The following NANS variants were observed in gnomAD, a reference collection of about 807,000 sequenced individuals.
The protein encoded by NANS is N-acetylneuraminate synthase.
In NANS, 29 loss-of-function variants were observed where a neutral mutation model predicts 33.3. The observed-to-expected ratio is 0.87, with a 90% CI of 0.65 to 1.19. NANS has a LOEUF of 1.19. NANS is among the 50% of genes most tolerant of loss of function. The probability of loss-of-function intolerance (pLI) is 0.00; values close to 1 mark genes in which losing one functional copy is unlikely to be tolerated. For missense variants in NANS, 394 were observed against 461.1 expected (o/e 0.85, Z 1.33); for synonymous variants, 163 against 177.2 (o/e 0.92, Z 0.64).
At chr9:98,070,749 G>A (rs557870060) in intron 2 of NANS, among the ~76,000 whole-genome samples, 1 of 150,570 alleles carries the variant, frequency 6.6e-6, no homozygotes, top group Admixed American at 6.6e-5. Flanking sequence ...CAGCAAATAC[G>A]AATAAATAAA....
chr9:98,074,927 A>G (rs1829515570), intron 2 of NANS: 1 of 152,166 alleles, frequency 6.6e-6, no homozygotes, highest in African/African-American at 2.4e-5. Flanking sequence ...TTGAAAAAAT[A>G]TATTTAAAAC....
intron 1 of NANS, among the ~76,000 whole-genome samples, chr9:98,059,928 A>T (rs1305823408): frequency 1.3e-5 from 2 of 152,182 alleles, no homozygotes; most frequent in Non-Finnish European, 2.9e-5. Context: ...TCAGAGAAAG[A>T]GGCATAGGGC....
At chr9:98,057,052 T>C (rs1828848049) in intron 1 of NANS, 112 bp downstream of exon 1, 1 of 1,344,106 alleles carries the variant, frequency 7.4e-7, no homozygotes, top group Admixed American at 3.0e-5. Flanking sequence ...GTCCGGCCTC[T>C]TCCCGCCCGC....
intron 2 of NANS, among the ~76,000 whole-genome samples, chr9:98,069,905 G>T (rs933505065): frequency 6.6e-6 from 1 of 152,136 alleles, no homozygotes; most frequent in African/African-American, 2.4e-5. Flanking sequence ...ATGAATACTT[G>T]TAGAAATGGT....
intron 4 of NANS, among the ~76,000 whole-genome samples, chr9:98,078,781 G>A (rs1829710052): frequency 6.7e-6 from 1 of 148,976 alleles, no homozygotes; most frequent in African/African-American, 2.5e-5. Flanking sequence ...GTTGCAGTGA[G>A]CCGAGATTGC....
At chr9:98,081,886 A>G (rs1829879120) in intron 5 of NANS, 1 of 152,220 alleles carries the variant, frequency 6.6e-6, no homozygotes, top group Non-Finnish European at 1.5e-5. Context: ...AAAAAGAAAT[A>G]GTTTCTTTAT....
intron 5 of NANS, chr9:98,081,341 C>A: frequency 2.0e-6 from 1 of 509,356 alleles, no homozygotes; most frequent in Non-Finnish European, 3.5e-6. Flanking sequence ...GAGTCTTCCA[C>A]TAATTCTCTG....
At chr9:98,062,862 C>T (rs1490635810) in intron 2 of NANS, among the ~76,000 whole-genome samples, 1 of 147,988 alleles carries the variant, frequency 6.8e-6, no homozygotes, top group African/African-American at 2.5e-5. Context: ...TTTCTTACAG[C>T]TGCATGTGAA....
At chr9:98,068,452 T>G (rs558205786) in intron 2 of NANS, among the ~76,000 whole-genome samples, 5 of 152,114 alleles carry the variant, frequency 3.3e-5, no homozygotes, top group African/African-American at 1.2e-4. Context: ...TTAGCTTTTT[T>G]TTTTCCTTTA....
chr9:98,073,753 C>T (rs1467609625), intron 2 of NANS, among the ~76,000 whole-genome samples: 8 of 151,950 alleles, frequency 5.3e-5, no homozygotes, highest in Non-Finnish European at 1.0e-4. Context: ...TCTGTGGGCA[C>T]GTGTTGTCCA....
At chr9:98,066,946 C>G (rs1466275243) in intron 2 of NANS, among the ~76,000 whole-genome samples, 1 of 152,188 alleles carries the variant, frequency 6.6e-6, no homozygotes, top group Non-Finnish European at 1.5e-5. Flanking sequence ...CCACTGCGTC[C>G]AGCCTCAAAT....
At chr9:98,073,271 CTTTTTTTTTTTT>C (rs10606237) in intron 2 of NANS, among the ~76,000 whole-genome samples, 15 of 57,848 alleles carry the variant, frequency 2.6e-4, no homozygotes, top group East Asian at 6.9e-4. Context: ...TCACCATGGG[CTTTTTTTTTTTT>C]TTTTTTTTTT....
At chr9:98,065,176 C>T (rs1174988944) in intron 2 of NANS, among the ~76,000 whole-genome samples, 1 of 152,158 alleles carries the variant, frequency 6.6e-6, no homozygotes, top group Non-Finnish European at 1.5e-5. Flanking sequence ...GGCGTACTCA[C>T]AGCCCAGGAG....
At chr9:98,058,239 T>C (rs1437944332) in intron 1 of NANS, among the ~76,000 whole-genome samples, 1 of 152,122 alleles carries the variant, frequency 6.6e-6, no homozygotes, top group Non-Finnish European at 1.5e-5. Context: ...TCGGGACTGG[T>C]TTTATGGAAA....
chr9:98,059,029 AT>A lies in NANS; in HGVS notation c.133-1742del, dbSNP rs563986417. ...ACATTTCTGGACCCAAGAAGTTTTTATTTTTTTTTTTCAAGACGGAGTCTCG... is the reference window on the plus strand; with the variant it reads ...ACATTTCTGGACCCAAGAAGTTTTTATTTTTTTTTTCAAGACGGAGTCTCG... On this transcript the variant is annotated intron_variant, in intron 1 of 5. Transcript: ENST00000210444. Among the ~76,000 whole-genome samples, 753 of 148,240 alleles carry A rather than the reference AT, an allele frequency of 5.1e-3. 5 individuals are homozygous for A. Among genetic ancestry groups the A allele is most frequent in the Non-Finnish European group, 7.1e-3 (471 of 66,772 alleles).
chr9:98,062,210 T>TA (rs112548147), intron 2 of NANS, among the ~76,000 whole-genome samples: 11,348 of 133,612 alleles, frequency 0.085, 526 homozygotes, highest in Admixed American at 0.15. Context: ...TGTCTCTTAA[T>TA]AAAAAAAAAA....
Position 98,078,295 on chromosome 9 carries a change from G to A in NANS, c.551G>A (p.Cys184Tyr). The A allele has an allele frequency of 6.2e-7, 1 of 1,614,048 alleles. No homozygotes were observed. The change falls in exon 4 of 6, where the codon TGT becomes TAT. Residue 184 changes from cysteine (C) to tyrosine (Y), a missense_variant. Physicochemically the swap from Cys to Tyr is radical, Grantham distance 194. Coordinates refer to ENST00000210444, the MANE Select transcript of NANS (RefSeq NM_018946.4). ...PLNPNFCFLQ[C>Y]TSAYPLQPED... ...AACCCCAACTTCTGCTTCTTGCAGTGTACCAGCGCATACCCGCTCCAGCCT... is the reference window on the plus strand; with the variant it reads ...AACCCCAACTTCTGCTTCTTGCAGTATACCAGCGCATACCCGCTCCAGCCT...
At position 98,081,019 on chromosome 9, in the gene NANS, G is replaced by A. The variant is rs1438718768; in HGVS notation, c.807G>A (p.Val269=). ...LAELVRSVRL[V]ERALGSPTKQ... ...AGCTGGTGCGGTCAGTGCGTCTTGT[G>A]GAGCGTGCCCTGGGCTCCCCAACCA... Residue 269 remains valine (V), a synonymous_variant, in exon 5 of 6, where the codon GTG becomes GTA. Coordinates refer to ENST00000210444, the MANE Select transcript of NANS (RefSeq NM_018946.4). 6.2e-7 allele frequency: 1 copy of A among 1,614,070 alleles called. No individual in the cohort carries two copies. Among genetic ancestry groups the A allele is most frequent in the Non-Finnish European group, 8.5e-7 (1 of 1,180,042 alleles).
At position 98,056,897 on chromosome 9, in the gene NANS, AG is replaced by A. The variant is rs1459077847; in HGVS notation, c.92del (p.Gly31AlafsTer5). On this transcript the variant is annotated frameshift_variant, in exon 1 of 6. Transcript: ENST00000210444. LOFTEE classifies it high-confidence loss of function. ...FIIAEIGQNHQGDLDVAKRMI... is the reference protein window; with the variant it reads ...FIIAEIGQNHXGDLDVAKRMI... ...ATTGCCGAGATCGGCCAGAACCACC[AG>A]GGCGACCTGGACGTAGCCAAGCGCA... 17 of 1,610,740 alleles carry A rather than the reference AG, an allele frequency of 1.1e-5. No homozygotes were observed. Among genetic ancestry groups the A allele is most frequent in the Non-Finnish European group, 1.4e-5 (17 of 1,178,844 alleles).
Sources: allele counts gnomAD v4.1 joint callset (sites outside exome capture counted in the v4.1 genomes callset), GRCh38; gene constraint gnomAD v4.1.1; transcripts MANE v1.5; gene names NCBI Gene and HGNC (gene_info 2026-07-23, HGNC 2026-07-21).